CCDC117: variants seen among roughly 807,000 people sequenced by gnomAD.
The protein encoded by CCDC117 is coiled-coil domain containing 117.
A neutral mutation model predicts 23.5 loss-of-function variants in CCDC117; 1 was observed. The ratio of observed to expected loss-of-function variants is 0.04; its 90% confidence interval spans 0.02 to 0.20. CCDC117 has a LOEUF of 0.20. CCDC117 is among the 10% of genes least tolerant of loss of function. The pLI, the probability that CCDC117 is intolerant of heterozygous loss-of-function variation, is 1.00. For missense variants in CCDC117, 383 were observed against 348.2 expected, an observed-to-expected ratio of 1.10 and a Z score of -0.80; for synonymous variants, 132 against 124.8, an observed-to-expected ratio of 1.06 and a Z score of -0.39.
Position 28,781,022 on chromosome 22 carries a change from A to G in CCDC117, c.314A>G (p.His105Arg). ...CCTAATGACTGGATTCTTTGTGCAC[A>G]TCAGGATGTAGAGGGGCATGGAGTA... ...AGPNDWILCA[H>R]QDVEGHGVNP... The change falls in exon 3 of 5, where the codon CAT (histidine) becomes CGT (arginine). Residue 105 changes from histidine to arginine, a missense_variant. Transcript: ENST00000249064. 1.2e-6 allele frequency: 2 copies of G among 1,614,098 alleles called. No homozygotes were observed. Among genetic ancestry groups the G allele is most frequent in the South Asian group, 1.1e-5 (1 of 91,084 alleles).
At chr22:28,777,397 T>TTTGATG (rs1344440583) in intron 2 of CCDC117, among the ~76,000 whole-genome samples, 2 of 152,186 alleles carry the variant, frequency 1.3e-5, no homozygotes, top group Non-Finnish European at 2.9e-5. Flanking sequence ...AAGCTGTATG[T>TTTGATG]TTGATGTAAT....
At chr22:28,776,478 AG>A (rs2031164388) in intron 2 of CCDC117, among the ~76,000 whole-genome samples, 1 of 151,174 alleles carries the variant, frequency 6.6e-6, no homozygotes, top group Non-Finnish European at 1.5e-5. Flanking sequence ...GCTGGAGTGC[AG>A]TAGCGCAGGC....
At chr22:28,778,123 C>G (rs1446207661) in intron 2 of CCDC117, among the ~76,000 whole-genome samples, 2 of 152,088 alleles carry the variant, frequency 1.3e-5, no homozygotes, top group African/African-American at 4.8e-5. Context: ...CTCGGCCTCC[C>G]AAAGTGCTGG....
In CCDC117 at chr22:28,783,617, G is replaced by A. The variant is rs777859084; in HGVS notation, c.574G>A (p.Val192Ile). 1 of 1,613,770 alleles carries A rather than the reference G, an allele frequency of 6.2e-7. No individual in the cohort carries two copies. The highest frequency in any genetic ancestry group is 1.1e-5 in the South Asian group (1 of 91,056). ...AGGTTTGAAGAGGGAATTTGATGAA[G>A]TTTTTACAAAGAAAATGATTGAGTC... ...KTGLKREFDE[V>I]FTKKMIESMS... The change falls in exon 4 of 5, where the codon GTT becomes ATT. Residue 192 changes from valine (V) to isoleucine (I), a missense_variant. Transcript: ENST00000249064.
At chr22:28,775,865 C>G (rs912184595) in intron 2 of CCDC117, among the ~76,000 whole-genome samples, 1 of 152,086 alleles carries the variant, frequency 6.6e-6, no homozygotes, top group African/African-American at 2.4e-5. Flanking sequence ...CTACCGCACT[C>G]CAGCCTTGGT....
At chr22:28,783,392 G>A (rs2031413270) in intron 3 of CCDC117, 116 bp from the exon 4 acceptor site, 1 of 951,720 alleles carries the variant, frequency 1.1e-6, no homozygotes, top group Admixed American at 2.6e-5. Flanking sequence ...TTGTTCTATT[G>A]CTGTATTACT....
chr22:28,783,505 T>C lies in CCDC117; in HGVS notation c.465-3T>C. On this transcript the variant is annotated splice_polypyrimidine_tract_variant and splice_region_variant and intron_variant, in intron 3 of 4. Coordinates refer to ENST00000249064, the MANE Select transcript of CCDC117 (RefSeq NM_173510.4). ...CTTTCTTCTGCTGCCTTAATTGATT[T>C]AGGATAATTGATGAAGATGAAGAAG... 6.2e-7 allele frequency: 1 copy of C among 1,611,650 alleles called. No individual in the cohort carries two copies. The highest frequency in any genetic ancestry group is 1.7e-5 in the Admixed American group (1 of 59,556).
chr22:28,781,291 A>G (rs992609473), intron 3 of CCDC117, 119 bp downstream of exon 3: 3 of 548,268 alleles, frequency 5.5e-6, no homozygotes, highest in African/African-American at 3.7e-5. Flanking sequence ...CAGAAAGACT[A>G]AGTCAGATAA....
chr22:28,777,953 C>A (rs2031218995), intron 2 of CCDC117, among the ~76,000 whole-genome samples: 1 of 151,808 alleles, frequency 6.6e-6, no homozygotes, highest in Admixed American at 6.6e-5. Context: ...TGGGTTCAAG[C>A]AATTCTCTCA....
intron 2 of CCDC117, among the ~76,000 whole-genome samples, chr22:28,779,666 C>T (rs2031265044): frequency 6.6e-6 from 1 of 152,090 alleles, no homozygotes; most frequent in African/African-American, 2.4e-5. Context: ...AGATCTGTTA[C>T]TTGTCAGATT....
chr22:28,780,233 A>G (rs2031279599), intron 2 of CCDC117, among the ~76,000 whole-genome samples: 1 of 152,194 alleles, frequency 6.6e-6, no homozygotes, highest in African/African-American at 2.4e-5. Flanking sequence ...TTATGTTGCA[A>G]AGTGGGAGAA....
rs2031571785 is a variant in CCDC117, at chr22:28,788,135, G to A, written c.*1809G>A. On this transcript the variant is annotated 3_prime_UTR_variant, in exon 5 of 5. Coordinates refer to ENST00000249064, the MANE Select transcript of CCDC117 (RefSeq NM_173510.4). Reference sequence around the variant, plus strand: ...TTCAAACTTCAAACCAGTATTGAAAGCAGTTGGAAACCAGCTAATAGTTTC... The same window carrying A: ...TTCAAACTTCAAACCAGTATTGAAAACAGTTGGAAACCAGCTAATAGTTTC... 6.6e-6 allele frequency: 1 copy of A among 152,624 alleles called. No individual in the cohort carries two copies. Among genetic ancestry groups the A allele is most frequent in the African/African-American group, 2.4e-5 (1 of 41,460 alleles). 9.5% of individuals were successfully genotyped at this position (152,624 alleles called of 1,614,324 possible). A position where few individuals can be genotyped will look rare whatever the true frequency, so the allele number is the denominator to read the frequency against.
In CCDC117 at chr22:28,772,750, C is replaced by A. The variant is rs1300579415; in HGVS notation, c.-100C>A. ...CGTGACGTGGGGTCGAGAGCGGGATCCGAGGCTGGCGGGTTTTGGCAGTAG... is the reference window on the plus strand; with the variant it reads ...CGTGACGTGGGGTCGAGAGCGGGATACGAGGCTGGCGGGTTTTGGCAGTAG... On this transcript the variant is annotated 5_prime_UTR_variant, in exon 1 of 5. Coordinates refer to ENST00000249064, the MANE Select transcript of CCDC117 (RefSeq NM_173510.4). 4 of 968,754 alleles carry A rather than the reference C, an allele frequency of 4.1e-6. No individual in the cohort carries two copies. Among genetic ancestry groups the A allele is most frequent in the Non-Finnish European group, 5.3e-6 (4 of 756,370 alleles). The allele number at this position is 968,754 out of a possible 1,614,324, so 60.0% of individuals were successfully genotyped here. A position where few individuals can be genotyped will look rare whatever the true frequency, so the allele number is the denominator to read the frequency against.
chr22:28,775,218 G>T (rs776718467), intron 2 of CCDC117, among the ~76,000 whole-genome samples: 1 of 152,108 alleles, frequency 6.6e-6, no homozygotes, highest in Non-Finnish European at 1.5e-5. Flanking sequence ...CCAAGATTGC[G>T]CCATTGCACT....
chr22:28,786,125 C>T lies in CCDC117; in HGVS notation c.639C>T (p.Pro213=). 6.2e-7 allele frequency: 1 copy of T among 1,613,598 alleles called. No homozygotes were observed. Among genetic ancestry groups the T allele is most frequent in the Non-Finnish European group, 8.5e-7 (1 of 1,179,882 alleles). Reference sequence around the variant, plus strand: ...CCATGGAGCTTGTTCTCTGGAAACCCCTCCCTGAACTCCTTTCTGATAAGC... The same window carrying T: ...CCATGGAGCTTGTTCTCTGGAAACCTCTCCCTGAACTCCTTTCTGATAAGC... ...RPSMELVLWK[P]LPELLSDKPK... The change falls in exon 5 of 5, where the codon CCC becomes CCT. Residue 213 remains proline, a synonymous_variant. Transcript: ENST00000249064.
rs561911314 is a variant in CCDC117, at chr22:28,788,679, T to A, written c.*2353T>A. The A allele has an allele frequency of 6.5e-6, 1 of 152,788 alleles. No homozygotes were observed. The highest frequency in any genetic ancestry group is 2.4e-5 in the African/African-American group (1 of 41,594). The allele number at this position is 152,788 out of a possible 1,614,324, so 9.5% of individuals were successfully genotyped here. On this transcript the variant is annotated 3_prime_UTR_variant, in exon 5 of 5. Coordinates refer to ENST00000249064, the MANE Select transcript of CCDC117 (RefSeq NM_173510.4). Reference sequence around the variant, plus strand: ...TTCTTGCAAAAATTTCTACAAAAATTGTTTTCTTCATCCTTGTGGTGCTTA... The same window carrying A: ...TTCTTGCAAAAATTTCTACAAAAATAGTTTTCTTCATCCTTGTGGTGCTTA...
intron 3 of CCDC117, among the ~76,000 whole-genome samples, chr22:28,782,283 G>C (rs991340707): frequency 7.1e-5 from 7 of 99,114 alleles, no homozygotes; most frequent in Non-Finnish European, 1.1e-4. Flanking sequence ...TTTTGAAACA[G>C]TGTTGCTCTG....
rs17514713 is a variant in CCDC117 at position 28,786,082 on chromosome 22, G to C, written c.603-7G>C. On this transcript the variant is annotated splice_polypyrimidine_tract_variant and splice_region_variant and intron_variant, in intron 4 of 4. Coordinates refer to ENST00000249064, the MANE Select transcript of CCDC117 (RefSeq NM_173510.4). ...TTTTTGATAAAAGTCTGTATTTTATGTCTTAGGAGCCGTCCTTCCATGGAG... is the reference window on the plus strand; with the variant it reads ...TTTTTGATAAAAGTCTGTATTTTATCTCTTAGGAGCCGTCCTTCCATGGAG... 88,559 of 1,584,104 alleles carry C rather than the reference G, an allele frequency of 0.056. 2,850 individuals carry two copies. Among genetic ancestry groups the C allele is most frequent in the Non-Finnish European group, 0.064 (75,300 of 1,169,904 alleles).
At position 28,787,638 on chromosome 22, in the gene CCDC117, G is replaced by C. The variant is rs993486034; in HGVS notation, c.*1312G>C. ...TCTTGAGTACCCAAACCAGGCTTCA[G>C]GTGTCCTTTGAGGATAGCCAGGTTT... On this transcript the variant is annotated 3_prime_UTR_variant, in exon 5 of 5. Coordinates refer to ENST00000249064, the MANE Select transcript of CCDC117 (RefSeq NM_173510.4). 3 of 152,440 alleles carry C rather than the reference G, an allele frequency of 2.0e-5. No individual in the cohort carries two copies. Among genetic ancestry groups the C allele is most frequent in the African/African-American group, 7.2e-5 (3 of 41,380 alleles). The allele number at this position is 152,440 out of a possible 1,614,324, so 9.4% of individuals were successfully genotyped here. A position where few individuals can be genotyped will look rare whatever the true frequency, so the allele number is the denominator to read the frequency against.
Sources: allele counts gnomAD v4.1 joint callset (sites outside exome capture counted in the v4.1 genomes callset), GRCh38; gene constraint gnomAD v4.1.1; transcripts MANE v1.5; gene names NCBI Gene and HGNC (gene_info 2026-07-23, HGNC 2026-07-21).